DYM: variants seen among roughly 807,000 people sequenced by gnomAD.
DYM encodes the protein dymeclin, also known as dyggve-Melchior-Clausen syndrome protein.
In DYM, 78 loss-of-function variants were observed where a neutral mutation model predicts 93.1. The observed-to-expected ratio is 0.84, with a 90% confidence interval of 0.70 to 1.01. DYM has a LOEUF of 1.01. Among genes scored for constraint, DYM ranks in the 50% least tolerant of loss-of-function variants. The pLI is 0.00. For synonymous variants in DYM, 321 were observed against 319.7 expected, an observed-to-expected ratio of 1.00 and a Z score of -0.04; for missense variants, 789 against 845.0, an observed-to-expected ratio of 0.93 and a Z score of 0.82.
At chr18:49,378,740 A>G (rs1462177402) in intron 4 of DYM, 40 bp from the exon 5 acceptor site, 2 of 1,602,032 alleles carry the variant, frequency 1.2e-6, no homozygotes, top group Admixed American at 1.7e-5. Flanking sequence ...ATATTTAAAC[A>G]TAAGCACCAT....
At chr18:49,231,471 T>C (rs983575982) in intron 13 of DYM, among the ~76,000 whole-genome samples, 6 of 152,200 alleles carry the variant, frequency 3.9e-5, no homozygotes, top group African/African-American at 1.4e-4. Flanking sequence ...TACCCAATTT[T>C]CCATCCATCT....
chr18:49,301,356 T>C (rs555157305), intron 8 of DYM, among the ~76,000 whole-genome samples: 82 of 151,740 alleles, frequency 5.4e-4, no homozygotes, highest in Non-Finnish European at 8.5e-4. Flanking sequence ...CCGTCTCTAC[T>C]AAAAATACAA....
chr18:49,336,814 A>G (rs1723872284), intron 6 of DYM, among the ~76,000 whole-genome samples: 1 of 152,208 alleles, frequency 6.6e-6, no homozygotes, highest in Non-Finnish European at 1.5e-5. Flanking sequence ...GAAAAAAACA[A>G]GTAATAACAG....
rs1338983963 is a variant in DYM, at chr18:49,039,054, T to C, written c.*5001A>G. On this transcript the variant is annotated 3_prime_UTR_variant, in exon 18 of 18. Transcript: ENST00000675505. The stretch of plus-strand genomic sequence containing the variant: ...CTCTGTCCTTACGTTTGGGATTATT[T>C]TCCTTCTGCCTGTAAAACACCTTTT... 2.6e-5 allele frequency among the ~76,000 whole-genome samples: 4 copies of C among 152,248 alleles called. No individual in the cohort carries two copies. The highest frequency in any genetic ancestry group is 5.9e-5 in the Non-Finnish European group (4 of 68,028).
Position 49,037,305 on chromosome 18 carries a change from A to T in DYM, c.*6750T>A, listed in dbSNP as rs997370274. On this transcript the variant is annotated 3_prime_UTR_variant, in exon 18 of 18. Coordinates refer to ENST00000675505, the MANE Select transcript of DYM (RefSeq NM_001353214.3). Reference sequence around the variant, plus strand: ...TTGGGTTTCATGTGCTGTTTTTAAAATTTTTGAGGTAATTGCTTAATTGAT... The same window carrying T: ...TTGGGTTTCATGTGCTGTTTTTAAATTTTTTGAGGTAATTGCTTAATTGAT... Among the ~76,000 whole-genome samples the T allele has an allele frequency of 6.6e-5, 10 of 152,178 alleles. No homozygotes were observed. Among genetic ancestry groups the T allele is most frequent in the African/African-American group, 2.4e-4 (10 of 41,446 alleles).
chr18:49,056,385 G>A (rs2075483824), intron 17 of DYM, among the ~76,000 whole-genome samples: 1 of 152,202 alleles, frequency 6.6e-6, no homozygotes, highest in Admixed American at 6.5e-5. Flanking sequence ...AATCAAACAG[G>A]ATTTGGCTCT....
At chr18:49,375,350 A>T (rs993406791) in intron 5 of DYM, among the ~76,000 whole-genome samples, 1 of 151,972 alleles carries the variant, frequency 6.6e-6, no homozygotes, top group African/African-American at 2.4e-5. Flanking sequence ...CCTTTATAGG[A>T]AACTATTCTT....
chr18:49,061,854 T>TA (rs910917456), intron 17 of DYM, among the ~76,000 whole-genome samples: 1 of 152,202 alleles, frequency 6.6e-6, no homozygotes, highest in African/African-American at 2.4e-5. Flanking sequence ...TTCATATGTT[T>TA]AGAGTCCAGT....
intron 11 of DYM, among the ~76,000 whole-genome samples, chr18:49,266,125 T>C (rs906060321): frequency 6.6e-6 from 1 of 152,016 alleles, no homozygotes; most frequent in East Asian, 1.9e-4. Context: ...CAAAATTAAA[T>C]AATTAAACTA....
chr18:49,044,375 C>T (rs2071194845), intron 17 of DYM, among the ~76,000 whole-genome samples, 171 bp from the exon 18 acceptor site: 1 of 152,202 alleles, frequency 6.6e-6, no homozygotes, highest in Admixed American at 6.5e-5. Context: ...CAAATGGCTC[C>T]TGAGAAAATG....
At chr18:49,224,938 G>A (rs1476930068) in intron 13 of DYM, among the ~76,000 whole-genome samples, 1 of 152,080 alleles carries the variant, frequency 6.6e-6, no homozygotes, top group East Asian at 1.9e-4. Context: ...AGGAAACCAA[G>A]AAGAGGTTAT....
Position 49,118,875 on chromosome 18 carries a change from T to C in DYM, c.1780A>G (p.Ile594Val). ...AGGGAATTTGTCAGGCAGGAGTTGA[T>C]GATCTCTAACATCATTCGAATCACT... ...EEVIRMMLEI[I>V]NSCLTNSLHH... The change falls in exon 16 of 18, where the codon ATC becomes GTC. Residue 594 changes from isoleucine (I) to valine (V), a missense_variant. By Grantham distance (29) the Ile-to-Val change is conservative. This residue lies in a region of DYM where 225 missense variants were observed against 303.0 expected (regional missense o/e 0.74). Coordinates refer to ENST00000675505, the MANE Select transcript of DYM (RefSeq NM_001353214.3). 1 of 1,614,140 alleles carries C rather than the reference T, an allele frequency of 6.2e-7. No homozygotes were observed. Among genetic ancestry groups the C allele is most frequent in the Non-Finnish European group, 8.5e-7 (1 of 1,179,986 alleles).
chr18:49,131,733 T>C (rs1257105294), intron 15 of DYM, among the ~76,000 whole-genome samples: 3 of 152,176 alleles, frequency 2.0e-5, no homozygotes, highest in African/African-American at 4.8e-5. Context: ...GTGAACCAAA[T>C]AGTACCCAGC....
In DYM at chr18:49,130,037, G is replaced by T. The variant is rs188902050; in HGVS notation, c.1729-11111C>A. Among the ~76,000 whole-genome samples, 275 of 152,238 alleles carry T rather than the reference G, an allele frequency of 1.8e-3. 2 individuals are homozygous for T. Among genetic ancestry groups the T allele is most frequent in the Non-Finnish European group, 2.1e-3 (141 of 68,006 alleles). ...CCAAGTTGGGTTCAGGATCCTATACGCATACCAATATCAAGCACAGGTCTG... is the reference window on the plus strand; with the variant it reads ...CCAAGTTGGGTTCAGGATCCTATACTCATACCAATATCAAGCACAGGTCTG... On this transcript the variant is annotated intron_variant, in intron 15 of 17. Coordinates refer to ENST00000675505, the MANE Select transcript of DYM (RefSeq NM_001353214.3).
At position 49,167,190 on chromosome 18, in the gene DYM, T is replaced by C. The variant is rs572924952; in HGVS notation, c.1626-3403A>G. Among the ~76,000 whole-genome samples, 3 of 152,234 alleles carry C rather than the reference T, an allele frequency of 2.0e-5. No homozygotes were observed. In the East Asian group the frequency reaches 5.8e-4, roughly 29 times the overall value. On this transcript the variant is annotated intron_variant, in intron 14 of 17. Coordinates refer to ENST00000675505, the MANE Select transcript of DYM (RefSeq NM_001353214.3). ...TTTTAGAGAAGAAAGGCTAGTTTGTTTGTTTACTGATTTTAAAAGAGAGTA... is the reference window on the plus strand; with the variant it reads ...TTTTAGAGAAGAAAGGCTAGTTTGTCTGTTTACTGATTTTAAAAGAGAGTA...
chr18:49,237,520 G>C (rs2093907834), intron 13 of DYM, among the ~76,000 whole-genome samples: 1 of 152,118 alleles, frequency 6.6e-6, no homozygotes, highest in South Asian at 2.1e-4. Flanking sequence ...TTGGCTTCAA[G>C]TTTGTCTCTA....
intron 8 of DYM, among the ~76,000 whole-genome samples, chr18:49,289,758 T>TATATATATACAC (rs2059959525): frequency 8.6e-4 from 33 of 38,164 alleles, no homozygotes; most frequent in African/African-American, 2.1e-3. Flanking sequence ...TATATATATA[T>TATATATATACAC]ATATATATAT....
At chr18:49,280,697 G>A (rs985261946) in intron 10 of DYM, among the ~76,000 whole-genome samples, 3 of 152,202 alleles carry the variant, frequency 2.0e-5, no homozygotes, top group East Asian at 1.9e-4. Context: ...CCTACCCTCC[G>A]TCTGTGTCTG....
At chr18:49,292,592 GAAAAAAAAAAAAAAA>G (rs72415237) in intron 8 of DYM, among the ~76,000 whole-genome samples, 1,395 of 78,814 alleles carry the variant, frequency 0.018, 63 homozygotes, top group Middle Eastern at 0.045. Context: ...TTTCCTGTTG[GAAAAAAAAAAAAAAA>G]AAAAAAAAAA....
Sources: gnomAD v4.1 joint callset for allele counts (sites outside exome capture counted in the v4.1 genomes callset) on GRCh38, gnomAD v4.1.1 for gene constraint, gnomAD v4.1.1 regional missense constraint, MANE v1.5 for transcripts, NCBI Gene and HGNC (gene_info 2026-07-23, HGNC 2026-07-21) for gene names.